Variants in ITGA3 observed in about 807,000 individuals in gnomAD.
ITGA3 encodes the protein integrin alpha-3.
ITGA3 carries 70 observed loss-of-function variants against 131.1 expected under a neutral mutation model. The ratio of observed to expected loss-of-function variants is 0.53; its 90% CI spans 0.44 to 0.65. The LOEUF is 0.65. Ranked by LOEUF, ITGA3 falls within the 30% of genes least tolerant of loss-of-function variation. ITGA3 has a pLI of 0.00. For missense variants in ITGA3, 1,098 were observed against 1,388.6 expected (o/e 0.79, Z 3.33); for synonymous variants, 537 against 571.6 (o/e 0.94, Z 0.86).
intron 23 of ITGA3, among the ~76,000 whole-genome samples, chr17:50,085,599 G>A (rs1909351679): frequency 6.6e-6 from 1 of 151,704 alleles, no homozygotes. Flanking sequence ...AGGAGGCAGA[G>A]GTTGCAGTGA....
At chr17:50,062,417 G>A (rs1298930255) in intron 1 of ITGA3, among the ~76,000 whole-genome samples, 2 of 152,192 alleles carry the variant, frequency 1.3e-5, no homozygotes, top group African/African-American at 4.8e-5. Context: ...GATGTCCATG[G>A]GTGGTCAGGC....
rs749582711 is a variant in ITGA3 at position 50,076,577 on chromosome 17, C to T, written c.1825-7C>T. 2.5e-5 allele frequency: 41 copies of T among 1,612,668 alleles called. No individual in the cohort carries two copies. Among genetic ancestry groups the T allele is most frequent in the Middle Eastern group, 1.6e-4 (1 of 6,062 alleles). The stretch of plus-strand genomic sequence containing the variant: ...GTGCGGCCTTCACACCTCCGGCCAC[C>T]CCCCAGGTCCAGTTCCAGAAGGAGT... On this transcript the variant is annotated splice_polypyrimidine_tract_variant and splice_region_variant and intron_variant, in intron 13 of 25. Transcript: ENST00000320031.
Position 50,090,382 on chromosome 17 carries a change from C to A in ITGA3, c.*1304C>A. The stretch of plus-strand genomic sequence containing the variant: ...GGCAGGCCCACTCCCCAGCCCCAGC[C>A]CCTTCCATGGTACTGTAGCAGGGGA... On this transcript the variant is annotated 3_prime_UTR_variant, in exon 26 of 26. Transcript: ENST00000320031. 5.2e-6 allele frequency: 2 copies of A among 382,994 alleles called. No individual in the cohort carries two copies. The highest frequency in any genetic ancestry group is 1.5e-4 in the East Asian group (2 of 13,110). The allele number at this position is 382,994 out of a possible 1,614,324, so 23.7% of individuals were successfully genotyped here.
intron 7 of ITGA3, among the ~76,000 whole-genome samples, chr17:50,072,544 T>G (rs879885730): frequency 9.4e-3 from 172 of 18,228 alleles, no homozygotes; most frequent in South Asian, 0.016. Context: ...GGAGGGGGAG[T>G]GGGGTGGGGT....
At chr17:50,059,725 CAAAG>C (rs1907988372) in intron 1 of ITGA3, among the ~76,000 whole-genome samples, 1 of 152,170 alleles carries the variant, frequency 6.6e-6, no homozygotes, top group Admixed American at 6.5e-5. Flanking sequence ...CAGAAGTAAA[CAAAG>C]AAGGAAGAAG....
Position 50,090,367 on chromosome 17 carries a change from C to G in ITGA3, c.*1289C>G. The G allele has an allele frequency of 2.5e-6, 1 of 405,318 alleles. No homozygotes were observed. Among genetic ancestry groups the G allele is most frequent in the South Asian group, 1.7e-5 (1 of 59,420 alleles). 25.1% of individuals were successfully genotyped at this position (405,318 alleles called of 1,614,324 possible). Reference sequence around the variant, plus strand: ...TGACCCCTGCCTGTTGGCAGGCCCACTCCCCAGCCCCAGCCCCTTCCATGG... The same window carrying G: ...TGACCCCTGCCTGTTGGCAGGCCCAGTCCCCAGCCCCAGCCCCTTCCATGG... On this transcript the variant is annotated 3_prime_UTR_variant, in exon 26 of 26. Coordinates refer to ENST00000320031, the MANE Select transcript of ITGA3 (RefSeq NM_002204.4).
chr17:50,065,250 A>G (rs935097767), intron 3 of ITGA3: 4 of 152,240 alleles, frequency 2.6e-5, no homozygotes, highest in African/African-American at 9.7e-5. Flanking sequence ...ATATGATGCC[A>G]CCAGGATGTG....
At chr17:50,065,955 C>A (rs1168472602) in intron 3 of ITGA3, 1 of 150,604 alleles carries the variant, frequency 6.6e-6, no homozygotes, top group Non-Finnish European at 1.5e-5. Context: ...ATCGCTTGAA[C>A]CTGGGAGGTG....
rs372684342 is a variant in ITGA3, at chr17:50,086,190, T to TTA, written c.2920-1548_2920-1547dup. ...ATACATGTATAATATATATATTAGA[T>TTA]TATATATTATACATGTATAATATAT... On this transcript the variant is annotated intron_variant, in intron 23 of 25. Coordinates refer to ENST00000320031, the MANE Select transcript of ITGA3 (RefSeq NM_002204.4). The TTA allele has an allele frequency of 1.7e-3, 2 of 1,184 alleles. 1 individual carries two copies. Among genetic ancestry groups the TTA allele is most frequent in the African/African-American group, 0.014 (2 of 140 alleles). The allele number at this position is 1,184 out of a possible 1,614,324, so 0.1% of individuals were successfully genotyped here.
intron 18 of ITGA3, 41 bp downstream of exon 18, chr17:50,078,325 G>A: frequency 6.4e-7 from 1 of 1,556,418 alleles, no homozygotes; most frequent in Non-Finnish European, 8.8e-7. Flanking sequence ...AGCCTGCTGT[G>A]CCTAAGCTAG....
chr17:50,064,683 G>T lies in ITGA3; in HGVS notation c.414+76G>T, dbSNP rs1259905328. 4 of 1,295,836 alleles carry T rather than the reference G, an allele frequency of 3.1e-6. No homozygotes were observed. Among genetic ancestry groups the T allele is most frequent in the African/African-American group, 2.9e-5 (2 of 68,744 alleles). The allele number at this position is 1,295,836 out of a possible 1,614,324, so 80.3% of individuals were successfully genotyped here. On this transcript the variant is annotated intron_variant, in intron 3 of 25. Transcript: ENST00000320031. The surrounding 1 kb of genome is among the most constrained non-coding windows in gnomAD (Gnocchi z 4.4). ...CATCTCCAGAGCTGGGAGGAAAGAA[G>T]AGGGCAGCAGGGGGGTCCACGGCGC...
At position 50,064,114 on chromosome 17, in the gene ITGA3, G is replaced by A. The variant is rs151313937; in HGVS notation, c.244G>A (p.Asp82Asn). 86 of 1,612,404 alleles carry A rather than the reference G, an allele frequency of 5.3e-5. No individual in the cohort carries two copies. Among genetic ancestry groups the A allele is most frequent in the African/African-American group, 2.0e-4 (15 of 74,936 alleles). The change falls in exon 2 of 26, where the codon GAT becomes AAT. Residue 82 changes from aspartate (D) to asparagine (N), a missense_variant. Around this residue, in one of 3 missense-constraint regions of ITGA3, gnomAD observed 356 missense variants for 529.2 expected, o/e 0.67. Transcript: ENST00000320031. This position sits in a 1 kb window ranked among gnomAD's most constrained non-coding sequence, Gnocchi z 4.4. ...TGCCCCCCGGGAGCTCGCTGTGCCC[G>A]ATGGCTACACCAACCGGACTGGTGC... ...AGAPRELAVP[D>N]GYTNRTGAVY...
At chr17:50,071,586 G>C in intron 6 of ITGA3, 68 bp downstream of exon 6, 2 of 1,387,542 alleles carry the variant, frequency 1.4e-6, no homozygotes, top group South Asian at 2.6e-5. Context: ...ACCTAAGCCA[G>C]GTGAGGGGAG....
chr17:50,087,960 C>A, intron 24 of ITGA3, 91 bp downstream of exon 24: 1 of 1,444,094 alleles, frequency 6.9e-7, no homozygotes. Context: ...CCTGGTCCTC[C>A]CTTCCATCTC....
intron 7 of ITGA3, among the ~76,000 whole-genome samples, chr17:50,073,606 AC>A (rs1908731767): frequency 7.3e-6 from 1 of 136,774 alleles, no homozygotes; most frequent in African/African-American, 2.8e-5. Flanking sequence ...ACACACACAC[AC>A]ACACACACAC....
chr17:50,077,800 T>G (rs1391046560), intron 16 of ITGA3, among the ~76,000 whole-genome samples: 1 of 152,016 alleles, frequency 6.6e-6, no homozygotes, highest in Non-Finnish European at 1.5e-5. Flanking sequence ...AAACACACAC[T>G]TAGAAAGTTT....
rs770249491 is a variant in ITGA3 at position 50,064,612 on chromosome 17, G to A, written c.414+5G>A. On this transcript the variant is annotated splice_donor_5th_base_variant and intron_variant, in intron 3 of 25. Coordinates refer to ENST00000320031, the MANE Select transcript of ITGA3 (RefSeq NM_002204.4). The surrounding 1 kb of genome is among the most constrained non-coding windows in gnomAD (Gnocchi z 4.4). ...GGCCCTGCAGGCAGAGTTCTGGTAA[G>A]TGGGTGCTCAGTGTTGGCTCCTCCA... The A allele has an allele frequency of 4.3e-6, 7 of 1,610,468 alleles. No homozygotes were observed. The African/African-American group carries it at 6.7e-5, about 15-fold the overall frequency.
chr17:50,062,125 C>T (rs1908115375), intron 1 of ITGA3, among the ~76,000 whole-genome samples: 1 of 152,084 alleles, frequency 6.6e-6, no homozygotes, highest in African/African-American at 2.4e-5. Context: ...GTCCTGATGC[C>T]ACAACAAATC....
chr17:50,085,728 A>G (rs1272471595), intron 23 of ITGA3, among the ~76,000 whole-genome samples: 3 of 120,568 alleles, frequency 2.5e-5, no homozygotes, highest in Non-Finnish European at 3.9e-5. Flanking sequence ...TTTATAATAT[A>G]TATTAGATTA....
Sources: gnomAD v4.1 joint callset for allele counts (sites outside exome capture counted in the v4.1 genomes callset) on GRCh38, gnomAD v4.1.1 for gene constraint, gnomAD v4.1.1 regional missense constraint, Gnocchi (gnomAD v3.1) non-coding constraint, MANE v1.5 for transcripts, NCBI Gene and HGNC (gene_info 2026-07-23, HGNC 2026-07-21) for gene names.